Variants in TGFBR3 observed in about 807,000 individuals in gnomAD.
TGFBR3 encodes transforming growth factor beta receptor type 3.
A neutral mutation model predicts 87.9 loss-of-function variants in TGFBR3; 46 were observed. The observed-to-expected ratio is 0.52, with a 90% CI of 0.41 to 0.67. The LOEUF (loss-of-function observed/expected upper bound fraction) is 0.67. Ranked by LOEUF, TGFBR3 falls within the 30% of genes least tolerant of loss-of-function variation. TGFBR3 has a pLI of 0.00. For missense variants in TGFBR3, 866 were observed against 1,041.9 expected, an observed-to-expected ratio of 0.83 and a Z score of 2.32; for synonymous variants, 381 against 391.6, an observed-to-expected ratio of 0.97 and a Z score of 0.32.
At chr1:91,821,478 T>TA (rs1254127385) in intron 2 of TGFBR3, among the ~76,000 whole-genome samples, 1 of 152,208 alleles carries the variant, frequency 6.6e-6, no homozygotes, top group Non-Finnish European at 1.5e-5. Context: ...TACTTTATCA[T>TA]AAAAATAATT....
At chr1:91,811,041 T>G (rs1461569985) in intron 2 of TGFBR3, among the ~76,000 whole-genome samples, 3 of 152,220 alleles carry the variant, frequency 2.0e-5, no homozygotes, top group Non-Finnish European at 4.4e-5. Flanking sequence ...GCAGGTGCAG[T>G]GGCTCACACC....
At chr1:91,769,026 G>T (rs1392002245) in intron 3 of TGFBR3, among the ~76,000 whole-genome samples, 1 of 152,138 alleles carries the variant, frequency 6.6e-6, no homozygotes, top group Non-Finnish European at 1.5e-5. Context: ...TCAGAGCCAG[G>T]CATTAGGTTG....
At position 91,773,032 on chromosome 1, in the gene TGFBR3, G is replaced by A. The variant is rs149239692; in HGVS notation, c.247-14282C>T. 6.0e-3 allele frequency among the ~76,000 whole-genome samples: 912 copies of A among 152,168 alleles called. 6 individuals carry two copies. The highest frequency in any genetic ancestry group is 7.3e-3 in the Non-Finnish European group (496 of 68,022). On this transcript the variant is annotated intron_variant, in intron 3 of 16. Coordinates refer to ENST00000212355, the MANE Select transcript of TGFBR3 (RefSeq NM_003243.5). ...ACTTTCACTATAAACCACAAACCCCGGTGCTCCCCAATTTTGCCTTCCTCC... is the reference window on the plus strand; with the variant it reads ...ACTTTCACTATAAACCACAAACCCCAGTGCTCCCCAATTTTGCCTTCCTCC...
At chr1:91,829,395 C>CAA (rs71586715) in intron 2 of TGFBR3, among the ~76,000 whole-genome samples, 1,570 of 140,302 alleles carry the variant, frequency 0.011, 11 homozygotes, top group African/African-American at 0.015. Context: ...AACAAACAAA[C>CAA]AAAAAAAAAA....
chr1:91,837,474 G>A (rs1677106494), intron 2 of TGFBR3, among the ~76,000 whole-genome samples: 1 of 152,070 alleles, frequency 6.6e-6, no homozygotes, highest in South Asian at 2.1e-4. Context: ...TCAAACTCCT[G>A]ACCTCATGAT....
At chr1:91,873,126 C>T (rs17880198) in intron 1 of TGFBR3, among the ~76,000 whole-genome samples, 55 of 152,004 alleles carry the variant, frequency 3.6e-4, no homozygotes, top group African/African-American at 1.3e-3. Context: ...CCCCACCACA[C>T]CCAGCTGACT....
intron 2 of TGFBR3, among the ~76,000 whole-genome samples, chr1:91,808,271 A>T (rs575000466): frequency 2.5e-4 from 38 of 152,266 alleles, no homozygotes; most frequent in South Asian, 1.0e-3. Context: ...CTTTAAAAAA[A>T]TTTTTTTAAT....
intron 1 of TGFBR3, among the ~76,000 whole-genome samples, chr1:91,864,811 G>T: frequency 6.6e-6 from 1 of 152,312 alleles, no homozygotes; most frequent in East Asian, 1.9e-4. Flanking sequence ...TCTTCTGTGA[G>T]GTTCTACCAC....
intron 3 of TGFBR3, among the ~76,000 whole-genome samples, chr1:91,760,443 T>G (rs1673917993): frequency 1.3e-5 from 2 of 152,038 alleles, no homozygotes; most frequent in Non-Finnish European, 2.9e-5. Flanking sequence ...AAACTGTGCT[T>G]AACATAGACA....
intron 3 of TGFBR3, among the ~76,000 whole-genome samples, chr1:91,764,144 T>C (rs1413953482): frequency 6.6e-6 from 1 of 151,894 alleles, no homozygotes; most frequent in Admixed American, 6.6e-5. Flanking sequence ...ACCATTCTCC[T>C]TGGTCAAATG....
At chr1:91,890,274 G>A (rs1679416683), upstream of TGFBR3, among the ~76,000 whole-genome samples, 1 of 152,082 alleles carries the variant, frequency 6.6e-6, no homozygotes, top group Admixed American at 6.6e-5. Flanking sequence ...CATGTTGACA[G>A]TGACTCAGAT....
At position 91,879,184 on chromosome 1, in the gene TGFBR3, G is replaced by A. The variant is rs141049424; in HGVS notation, c.-114+6694C>T. On this transcript the variant is annotated intron_variant, in intron 1 of 16. Transcript: ENST00000212355. ...CTTGGGAGGCTGAGGCACAATAATC[G>A]CTTGAACCCAGGAGGCAGAGGTTGC... Among the ~76,000 whole-genome samples the A allele has an allele frequency of 1.0e-3, 158 of 151,906 alleles. 4 individuals carry two copies. In the East Asian group the frequency reaches 0.027, roughly 26 times the overall value.
At chr1:91,858,717 ATC>A (rs1276567387) in intron 2 of TGFBR3, among the ~76,000 whole-genome samples, 127 of 151,776 alleles carry the variant, frequency 8.4e-4, no homozygotes, top group African/African-American at 2.7e-3. Flanking sequence ...CCAAAAAGGC[ATC>A]CATACCTCTG....
At position 91,698,072 on chromosome 1, in the gene TGFBR3, G is replaced by C. The variant is rs755544164; in HGVS notation, c.2329+17C>G. ...GCCCAGGAGGTTTTATTTCGAAATAGTTGCATAAAGACTTACGTGGAGAAA... is the reference window on the plus strand; with the variant it reads ...GCCCAGGAGGTTTTATTTCGAAATACTTGCATAAAGACTTACGTGGAGAAA... On this transcript the variant is annotated intron_variant, in intron 15 of 16. Coordinates refer to ENST00000212355, the MANE Select transcript of TGFBR3 (RefSeq NM_003243.5). The C allele has an allele frequency of 1.9e-6, 3 of 1,613,020 alleles. No homozygotes were observed. The South Asian group carries it at 3.3e-5, about 18-fold the overall frequency.
At chr1:91,857,672 C>T (rs541912868) in intron 2 of TGFBR3, among the ~76,000 whole-genome samples, 47 of 152,330 alleles carry the variant, frequency 3.1e-4, no homozygotes, top group African/African-American at 1.1e-3. Flanking sequence ...GGCACAGTGG[C>T]TCACGCCTTT....
At chr1:91,825,192 C>T (rs1676587805) in intron 2 of TGFBR3, among the ~76,000 whole-genome samples, 1 of 152,192 alleles carries the variant, frequency 6.6e-6, no homozygotes, top group Non-Finnish European at 1.5e-5. Context: ...TATATGAATG[C>T]CCATAACAAC....
At chr1:91,723,252 CGGAA>C (rs757064558) in intron 7 of TGFBR3, among the ~76,000 whole-genome samples, 26 of 151,926 alleles carry the variant, frequency 1.7e-4, no homozygotes, top group Non-Finnish European at 3.1e-4. Flanking sequence ...GAGGCTGAGG[CGGAA>C]GGACTGCTTG....
chr1:91,831,829 G>A (rs976096207), intron 2 of TGFBR3, among the ~76,000 whole-genome samples: 9 of 152,178 alleles, frequency 5.9e-5, no homozygotes, highest in African/African-American at 2.2e-4. Flanking sequence ...CGTAAGTCCT[G>A]TGAAATATAA....
intron 15 of TGFBR3, 61 bp from the exon 16 acceptor site, chr1:91,695,840 T>C: frequency 7.5e-7 from 1 of 1,329,876 alleles, no homozygotes; most frequent in Non-Finnish European, 1.1e-6. Flanking sequence ...TGCATTGCAA[T>C]TTTATATTTG....
Sources: gnomAD v4.1 joint callset for allele counts (sites outside exome capture counted in the v4.1 genomes callset) on GRCh38, gnomAD v4.1.1 for gene constraint, MANE v1.5 for transcripts, NCBI Gene and HGNC (gene_info 2026-07-23, HGNC 2026-07-21) for gene names.